Variants in FOXP1 observed in about 807,000 individuals in gnomAD.
FOXP1 encodes the protein forkhead box protein P1.
FOXP1 carries 15 observed loss-of-function variants against 98.2 expected under a neutral mutation model. That is an observed-to-expected ratio of 0.15 (90% CI 0.10 to 0.24). The LOEUF (loss-of-function observed/expected upper bound fraction) is 0.24, where lower values mean the gene tolerates loss of function less well. Among genes scored for constraint, FOXP1 ranks in the 10% least tolerant of loss-of-function variants. The probability of loss-of-function intolerance (pLI) is 1.00; values close to 1 mark genes in which losing one functional copy is unlikely to be tolerated. For synonymous variants in FOXP1, 371 were observed against 314.5 expected (o/e 1.18, Z -1.90); for missense variants, 633 against 848.5 (o/e 0.75, Z 3.15).
intron 2 of FOXP1, among the ~76,000 whole-genome samples, chr3:71,545,164 A>G (rs1560637632): frequency 6.6e-6 from 1 of 152,130 alleles, no homozygotes; most frequent in Non-Finnish European, 1.5e-5. Context: ...CCTGAAAAAA[A>G]TCAGCATGCT....
intron 6 of FOXP1, among the ~76,000 whole-genome samples, chr3:71,171,966 T>C (rs2061675126): frequency 6.6e-6 from 1 of 152,210 alleles, no homozygotes; most frequent in African/African-American, 2.4e-5. Flanking sequence ...CTAATCCTTA[T>C]CAATTATTTA....
intron 7 of FOXP1, among the ~76,000 whole-genome samples, chr3:71,067,433 G>A (rs2052649434): frequency 6.6e-6 from 1 of 152,140 alleles, no homozygotes; most frequent in South Asian, 2.1e-4. Flanking sequence ...ATTAATCACT[G>A]TGAGCACCAG....
intron 7 of FOXP1, among the ~76,000 whole-genome samples, chr3:71,067,764 A>ACACACACACAC (rs71104409): frequency 2.0e-4 from 28 of 141,006 alleles, no homozygotes; most frequent in Non-Finnish European, 2.5e-4. Flanking sequence ...ACACACACAC[A>ACACACACACAC]ATTAGCCACG....
rs185453555 is a variant in FOXP1 at position 71,023,173 on chromosome 3, C to T, written c.870-7520G>A. On this transcript the variant is annotated intron_variant, in intron 11 of 20. Transcript: ENST00000649528. Reference sequence around the variant, plus strand: ...TGAACTCCGACCCTGAGACAGGCACCGAGCATACTCATCAGTAAGGCTGCT... The same window carrying T: ...TGAACTCCGACCCTGAGACAGGCACTGAGCATACTCATCAGTAAGGCTGCT... Among the ~76,000 whole-genome samples, 415 of 152,282 alleles carry T rather than the reference C, an allele frequency of 2.7e-3. 2 individuals carry two copies. The highest frequency in any genetic ancestry group is 4.8e-3 in the Non-Finnish European group (326 of 68,024).
intron 6 of FOXP1, chr3:71,130,710 GT>G (rs2059522600): frequency 6.5e-7 from 1 of 1,538,648 alleles, no homozygotes; most frequent in East Asian, 2.4e-5. Context: ...CCTCAGGGAG[GT>G]TTGCCTCCAC....
intron 2 of FOXP1, among the ~76,000 whole-genome samples, chr3:71,553,640 T>G (rs945984384): frequency 6.6e-6 from 1 of 152,202 alleles, no homozygotes; most frequent in Admixed American, 6.5e-5. Context: ...CATATGTATG[T>G]TCATTCTTTG....
intron 3 of FOXP1, among the ~76,000 whole-genome samples, chr3:71,442,255 C>G (rs2086005512): frequency 6.6e-6 from 1 of 152,124 alleles, no homozygotes; most frequent in Non-Finnish European, 1.5e-5. Context: ...TCTACATTAA[C>G]CATTAGCCAA....
intron 7 of FOXP1, among the ~76,000 whole-genome samples, chr3:71,054,626 T>C (rs1453285952): frequency 6.6e-6 from 1 of 152,198 alleles, no homozygotes; most frequent in Non-Finnish European, 1.5e-5. Context: ...CTTTCTAGAA[T>C]GTAATTTAGC....
chr3:71,446,538 C>T (rs2086462652), intron 3 of FOXP1, among the ~76,000 whole-genome samples: 1 of 127,830 alleles, frequency 7.8e-6, no homozygotes, highest in Non-Finnish European at 1.8e-5. Flanking sequence ...CACCTGCTGC[C>T]ACACACTGAA....
At chr3:71,514,762 C>T (rs1202595904) in intron 2 of FOXP1, among the ~76,000 whole-genome samples, 1 of 152,170 alleles carries the variant, frequency 6.6e-6, no homozygotes, top group Non-Finnish European at 1.5e-5. Flanking sequence ...CATGTGGAGC[C>T]GACCCAGGTG....
chr3:70,977,775 C>G (rs1462951463), intron 15 of FOXP1, 53 bp from the exon 16 acceptor site: 4 of 1,611,384 alleles, frequency 2.5e-6, no homozygotes, highest in African/African-American at 2.7e-5. Flanking sequence ...AGGGGCTGGT[C>G]TACAAGAATT....
intron 6 of FOXP1, among the ~76,000 whole-genome samples, chr3:71,140,666 C>T (rs931204613): frequency 2.6e-5 from 4 of 152,176 alleles, no homozygotes; most frequent in Admixed American, 2.6e-4. Context: ...AAACAAAGCT[C>T]AGAGTGGTTG....
At chr3:71,263,970 C>T (rs1204944893) in intron 5 of FOXP1, among the ~76,000 whole-genome samples, 6 of 151,190 alleles carry the variant, frequency 4.0e-5, no homozygotes, top group African/African-American at 1.5e-4. Flanking sequence ...AGGCTGGTCT[C>T]GAACTCTTGG....
At chr3:71,331,327 GGGCAGGGCTTAGGACCT>G (rs1311280120) in intron 4 of FOXP1, among the ~76,000 whole-genome samples, 1 of 152,144 alleles carries the variant, frequency 6.6e-6, no homozygotes, top group Non-Finnish European at 1.5e-5. Context: ...CCTCCCCGCG[GGGCAGGGCTTAGGACCT>G]GCAGCCTTCC....
In FOXP1 at chr3:71,198,229, G is replaced by A. The variant is rs1025763055; in HGVS notation, c.153C>T (p.Leu51=). Reference sequence around the variant, plus strand: ...GTTGCTGCTGCTGCTGGGCGTGGGCGAGGTCAGCTGCCCCGATGTCCACGG... The same window carrying A: ...GTTGCTGCTGCTGCTGGGCGTGGGCAAGGTCAGCTGCCCCGATGTCCACGG... The part of the protein sequence containing the change: ...TPAVDIGAAD[L]AHAQQQQQQA... Residue 51 remains leucine (L), a synonymous_variant, in exon 6 of 21, where the codon CTC becomes CTT. Coordinates refer to ENST00000649528, the MANE Select transcript of FOXP1 (RefSeq NM_001349338.3). 2 of 1,614,070 alleles carry A rather than the reference G, an allele frequency of 1.2e-6. No homozygotes were observed. Among genetic ancestry groups the A allele is most frequent in the African/African-American group, 1.3e-5 (1 of 75,068 alleles).
intron 8 of FOXP1, 144 bp downstream of exon 8, chr3:71,053,492 G>A (rs2050187459): frequency 1.1e-6 from 1 of 889,584 alleles, no homozygotes; most frequent in African/African-American, 1.7e-5. Context: ...TATTCAGGGA[G>A]TGGTCTGTGT....
chr3:71,471,737 T>C (rs1027035206), intron 3 of FOXP1, among the ~76,000 whole-genome samples: 9 of 152,188 alleles, frequency 5.9e-5, no homozygotes, highest in Admixed American at 2.0e-4. Flanking sequence ...ACATGTTTTG[T>C]TACTGTGTCA....
intron 10 of FOXP1, among the ~76,000 whole-genome samples, chr3:71,041,974 CTT>C (rs1308911104): frequency 1.3e-5 from 2 of 152,096 alleles, no homozygotes; most frequent in African/African-American, 2.4e-5. Context: ...TGACAAATAG[CTT>C]TGTTATTAAA....
In FOXP1 at chr3:71,005,314, TAAAAAAAAAAAAAA is replaced by T. The variant is rs60664354; in HGVS notation, c.975-4269_975-4256del. ...GGTGGAGAGAAACAAATACCTGATT[TAAAAAAAAAAAAAA>T]AAAAAAAAAAAAACCAGAATCATAA... On this transcript the variant is annotated intron_variant, in intron 12 of 20. Coordinates refer to ENST00000649528, the MANE Select transcript of FOXP1 (RefSeq NM_001349338.3). Among the ~76,000 whole-genome samples, 44 of 25,260 alleles carry T rather than the reference TAAAAAAAAAAAAAA, an allele frequency of 1.7e-3. 2 individuals carry two copies. Among genetic ancestry groups the T allele is most frequent in the African/African-American group, 4.9e-3 (41 of 8,322 alleles). 16.6% of individuals were successfully genotyped at this position (25,260 alleles called of 152,430 possible).
Sources: allele counts gnomAD v4.1 joint callset (sites outside exome capture counted in the v4.1 genomes callset), GRCh38; gene constraint gnomAD v4.1.1; transcripts MANE v1.5; gene names NCBI Gene and HGNC (gene_info 2026-07-23, HGNC 2026-07-21).